Variants in DCAF1 observed in about 807,000 individuals in gnomAD.
DCAF1 encodes the protein DDB1- and CUL4-associated factor 1.
In DCAF1, 15 loss-of-function variants were observed where a neutral mutation model predicts 128.0. The ratio of observed to expected loss-of-function variants is 0.12; its 90% CI spans 0.08 to 0.18. The LOEUF (loss-of-function observed/expected upper bound fraction) is 0.18. Ranked by LOEUF, DCAF1 falls within the 10% of genes least tolerant of loss-of-function variation. The probability of loss-of-function intolerance (pLI) is 1.00; values close to 1 mark genes in which losing one functional copy is unlikely to be tolerated. For missense variants in DCAF1, 988 were observed against 1,649.5 expected, an observed-to-expected ratio of 0.60 and a Z score of 6.95; for synonymous variants, 610 against 603.0, an observed-to-expected ratio of 1.01 and a Z score of -0.17.
intron 2 of DCAF1, among the ~76,000 whole-genome samples, chr3:51,492,237 C>T (rs1209152428): frequency 2.6e-5 from 4 of 151,676 alleles, no homozygotes; most frequent in Admixed American, 1.3e-4. Flanking sequence ...ACAGTATATG[C>T]GAAAATGGGC....
In DCAF1 at chr3:51,471,189, C is replaced by CT. The variant is rs201168888; in HGVS notation, c.111-185dup. ...AAGAGTTTCCTCTCCCAAACTCATT[C>CT]TTTTTTTTTTTTTTTTGACAGTCTC... is the stretch of plus-strand genomic sequence containing the variant. On this transcript the variant is annotated intron_variant, in intron 3 of 24. Transcript: ENST00000684031. 7.6e-3 allele frequency among the ~76,000 whole-genome samples: 1,064 copies of CT among 139,886 alleles called. 3 individuals are homozygous for CT. Among genetic ancestry groups the CT allele is most frequent in the Middle Eastern group, 0.011 (3 of 272 alleles). 91.8% of individuals were successfully genotyped at this position (139,886 alleles called of 152,430 possible). A position where few individuals can be genotyped will look rare whatever the true frequency, so the allele number is the denominator to read the frequency against.
At chr3:51,406,128 G>A (rs955758435) in intron 23 of DCAF1, among the ~76,000 whole-genome samples, 14 of 152,018 alleles carry the variant, frequency 9.2e-5, no homozygotes, top group Middle Eastern at 3.4e-3. Context: ...CAGATCACGA[G>A]GTAAGGAGAT....
intron 23 of DCAF1, among the ~76,000 whole-genome samples, chr3:51,406,342 CA>C (rs782324969): frequency 3.8e-3 from 183 of 48,214 alleles, no homozygotes; most frequent in African/African-American, 5.6e-3. Flanking sequence ...GACTCTGTCT[CA>C]AAAAAAAAAA....
At chr3:51,451,247 C>T (rs1313366175) in intron 6 of DCAF1, among the ~76,000 whole-genome samples, 8 of 151,290 alleles carry the variant, frequency 5.3e-5, no homozygotes, top group Non-Finnish European at 8.8e-5. Context: ...TGACACCACA[C>T]TCAGCATATA....
intron 9 of DCAF1, among the ~76,000 whole-genome samples, chr3:51,434,531 C>T (rs1253762204): frequency 6.6e-6 from 1 of 152,194 alleles, no homozygotes; most frequent in Non-Finnish European, 1.5e-5. Flanking sequence ...AACTTAATAG[C>T]TTCCCTAATG....
At chr3:51,402,049 T>G (rs1188568450) in intron 24 of DCAF1, among the ~76,000 whole-genome samples, 1 of 152,210 alleles carries the variant, frequency 6.6e-6, no homozygotes, top group African/African-American at 2.4e-5. Context: ...TTTGAACTAT[T>G]TGCTGATTTC....
intron 6 of DCAF1, among the ~76,000 whole-genome samples, chr3:51,451,603 A>G (rs1702358965): frequency 6.6e-6 from 1 of 152,166 alleles, no homozygotes; most frequent in Non-Finnish European, 1.5e-5. Flanking sequence ...TCTACCAAAA[A>G]TACAAAAAAT....
rs1240172763 is a variant in DCAF1, at chr3:51,419,940, C to T, written c.3030G>A (p.Glu1010=). The T allele has an allele frequency of 1.9e-6, 3 of 1,613,934 alleles. No individual in the cohort carries two copies. The highest frequency in any genetic ancestry group is 4.5e-5 in the East Asian group (2 of 44,894). ...AGCGAGCATGTTGTTCTCTAAGATA[C>T]TCTGTGATTATACTGTCCAGCGTAG... ...SPPTLDSIIT[E]YLREQHARCK... Residue 1010 remains glutamate, a synonymous_variant, in exon 15 of 25, where the codon GAG becomes GAA. Transcript: ENST00000684031.
At chr3:51,489,596 G>A (rs1489903069) in intron 2 of DCAF1, among the ~76,000 whole-genome samples, 1 of 152,098 alleles carries the variant, frequency 6.6e-6, no homozygotes, top group Non-Finnish European at 1.5e-5. Context: ...AGATCAGCCT[G>A]GCCAACATGG....
chr3:51,400,315 G>C (rs2089566997), intron 24 of DCAF1, among the ~76,000 whole-genome samples: 1 of 152,142 alleles, frequency 6.6e-6, no homozygotes, highest in Non-Finnish European at 1.5e-5. Context: ...CCAGCACTGT[G>C]TCCCCACCCC....
chr3:51,466,711 C>T, intron 5 of DCAF1, 92 bp downstream of exon 5: 1 of 1,288,058 alleles, frequency 7.8e-7, no homozygotes, highest in Non-Finnish European at 1.1e-6. Context: ...TTTGTCAAGG[C>T]CTTAGGAGAA....
Position 51,441,671 on chromosome 3 carries a change from T to C in DCAF1, c.740A>G (p.His247Arg), listed in dbSNP as rs1316726091. ...MEISFHLDSG[H>R]KTSSRVNSTT... ...TGAGTTCACTCTGCTACTAGTCTTG[T>C]GGCCTGAATCAAGATGAAAGGAGAT... The change falls in exon 8 of 25, where the codon CAC (histidine) becomes CGC (arginine). Residue 247 changes from histidine to arginine, a missense_variant. This residue lies in a region of DCAF1 where 210 missense variants were observed against 260.2 expected (regional missense o/e 0.81). Transcript: ENST00000684031. The C allele has an allele frequency of 8.7e-6, 14 of 1,613,896 alleles. No homozygotes were observed. Among genetic ancestry groups the C allele is most frequent in the African/African-American group, 1.3e-5 (1 of 74,938 alleles).
At chr3:51,459,887 G>T (rs1703349090) in intron 6 of DCAF1, among the ~76,000 whole-genome samples, 1 of 152,080 alleles carries the variant, frequency 6.6e-6, no homozygotes, top group African/African-American at 2.4e-5. Context: ...CAATAAATTA[G>T]GTATTGATGG....
chr3:51,411,883 G>A (rs1553628502), intron 23 of DCAF1, among the ~76,000 whole-genome samples: 2 of 151,974 alleles, frequency 1.3e-5, no homozygotes, highest in African/African-American at 4.8e-5. Flanking sequence ...GCCGACGTGG[G>A]CAGATCATCT....
intron 15 of DCAF1, 105 bp downstream of exon 15, chr3:51,419,629 T>G: frequency 6.7e-7 from 1 of 1,492,034 alleles, no homozygotes; most frequent in Non-Finnish European, 8.9e-7. Flanking sequence ...TTACACAAAG[T>G]AACAATCAGT....
At chr3:51,496,623 TCC>T in intron 2 of DCAF1, among the ~76,000 whole-genome samples, 109 bp downstream of exon 2, 1 of 151,852 alleles carries the variant, frequency 6.6e-6, no homozygotes, top group African/African-American at 2.4e-5. Context: ...TTCACAACCA[TCC>T]TACCCTTTTT....
At chr3:51,500,979 C>T (rs1247383530), upstream of DCAF1, among the ~76,000 whole-genome samples, 1 of 152,100 alleles carries the variant, frequency 6.6e-6, no homozygotes, top group Non-Finnish European at 1.5e-5. Context: ...CCACACCCGG[C>T]TAATTTTTAA....
intron 6 of DCAF1, among the ~76,000 whole-genome samples, chr3:51,453,419 A>G (rs1204980149): frequency 6.7e-6 from 1 of 150,198 alleles, no homozygotes; most frequent in Non-Finnish European, 1.5e-5. Context: ...CTTGAGCCCA[A>G]GAGTGTGAGA....
At chr3:51,440,200 T>C (rs781849796) in intron 9 of DCAF1, 1 of 502,474 alleles carries the variant, frequency 2.0e-6, no homozygotes, top group South Asian at 1.5e-5. Context: ...CTCTCTTCTA[T>C]CTAAACAAGA....
Sources: allele counts gnomAD v4.1 joint callset (sites outside exome capture counted in the v4.1 genomes callset), GRCh38; gene constraint gnomAD v4.1.1; regional missense constraint gnomAD v4.1.1; transcripts MANE v1.5; gene names NCBI Gene and HGNC (gene_info 2026-07-23, HGNC 2026-07-21).